The following PSMB7 variants were observed in gnomAD, a reference collection of about 807,000 sequenced individuals.
PSMB7 encodes proteasome 20S subunit beta 7, also known as proteasome subunit beta type-7.
PSMB7 carries 5 observed loss-of-function variants against 28.1 expected under a neutral mutation model. The ratio of observed to expected loss-of-function variants is 0.18; its 90% CI spans 0.09 to 0.37. PSMB7 has a LOEUF of 0.37. Among genes scored for constraint, PSMB7 ranks in the 10% least tolerant of loss-of-function variants. PSMB7 has a pLI of 1.00. For missense variants in PSMB7, 275 were observed against 346.2 expected, an observed-to-expected ratio of 0.79 and a Z score of 1.63; for synonymous variants, 122 against 123.7, an observed-to-expected ratio of 0.99 and a Z score of 0.09.
intron 6 of PSMB7, among the ~76,000 whole-genome samples, chr9:124,358,521 A>G (rs369860189): frequency 6.6e-6 from 1 of 152,234 alleles, no homozygotes; most frequent in African/African-American, 2.4e-5. Context: ...TCAACAGTCT[A>G]TGGGGCCAGA....
intron 6 of PSMB7, among the ~76,000 whole-genome samples, chr9:124,374,097 G>A (rs903494845): frequency 5.3e-5 from 8 of 152,120 alleles, no homozygotes; most frequent in South Asian, 2.1e-4. Context: ...GCTACAACAC[G>A]GGTGAAATAT....
rs565924919 is a variant in PSMB7, at chr9:124,371,826, G to C, written c.570+12772C>G. Among the ~76,000 whole-genome samples, 3 of 152,270 alleles carry C rather than the reference G, an allele frequency of 2.0e-5. No homozygotes were observed. The South Asian group carries it at 6.2e-4, about 32-fold the overall frequency. ...CACTTACGAATTCAACACTATCTCT[G>C]AATCTAGCTCTCACCTCTCTCTCTG... On this transcript the variant is annotated intron_variant, in intron 6 of 7. Coordinates refer to ENST00000259457, the MANE Select transcript of PSMB7 (RefSeq NM_002799.4).
At chr9:124,366,041 ATGTG>A (rs895896151) in intron 6 of PSMB7, among the ~76,000 whole-genome samples, 2 of 152,228 alleles carry the variant, frequency 1.3e-5, no homozygotes, top group Non-Finnish European at 2.9e-5. Context: ...GTCTACACCA[ATGTG>A]TGTGTGTTTG....
intron 5 of PSMB7, 55 bp from the exon 6 acceptor site, chr9:124,384,711 C>T: frequency 6.4e-7 from 1 of 1,563,324 alleles, no homozygotes; most frequent in East Asian, 2.2e-5. Flanking sequence ...GCTTATCCAT[C>T]TCAAGTTTAC....
intron 4 of PSMB7, among the ~76,000 whole-genome samples, chr9:124,408,031 C>T (rs1012471889): frequency 6.6e-6 from 1 of 152,096 alleles, no homozygotes. Context: ...AACATGGTGG[C>T]GTGGGCCTTT....
intron 6 of PSMB7, among the ~76,000 whole-genome samples, chr9:124,377,822 G>A (rs544421193): frequency 6.6e-6 from 1 of 152,320 alleles, no homozygotes; most frequent in South Asian, 2.1e-4. Flanking sequence ...TAGGGTAGGA[G>A]CTCATCCCTC....
Position 124,353,601 on chromosome 9 carries a change from G to C in PSMB7, c.831C>G (p.Ser277=). ...GCCAGCCACCCACTGATGCCATTCA[G>C]GAAGTGTCCATTGTTTGGACTGTTT... is the stretch of plus-strand genomic sequence containing the variant. ...LEETVQTMDT[S] is the part of the protein sequence containing the mutation. Residue 277 remains serine (S), a synonymous_variant, in exon 8 of 8, where the codon TCC becomes TCG. Transcript: ENST00000259457. 1 of 1,609,390 alleles carries C rather than the reference G, an allele frequency of 6.2e-7. No individual in the cohort carries two copies. Among genetic ancestry groups the C allele is most frequent in the South Asian group, 1.1e-5 (1 of 90,970 alleles).
chr9:124,415,006 C>T (rs930676357), intron 1 of PSMB7, 71 bp from the exon 2 acceptor site: 1 of 1,043,488 alleles, frequency 9.6e-7, no homozygotes, highest in Non-Finnish European at 1.4e-6. Context: ...TGAAAAGTGC[C>T]TAACAGAGAA....
intron 6 of PSMB7, among the ~76,000 whole-genome samples, chr9:124,364,637 TTCTC>T (rs574482554): frequency 2.0e-5 from 3 of 152,058 alleles, no homozygotes; most frequent in South Asian, 2.1e-4. Flanking sequence ...CTCATCACAT[TTCTC>T]TCTCTCTGCA....
intron 3 of PSMB7, 130 bp downstream of exon 3, chr9:124,413,778 G>A: frequency 1.6e-6 from 1 of 616,568 alleles, no homozygotes; most frequent in South Asian, 2.1e-5. Flanking sequence ...ACAGGTGGCT[G>A]GAAATGCCAT....
At chr9:124,395,089 G>C (rs1402374745) in intron 5 of PSMB7, among the ~76,000 whole-genome samples, 3 of 152,128 alleles carry the variant, frequency 2.0e-5, no homozygotes, top group African/African-American at 7.2e-5. Context: ...ACATACAAAA[G>C]ACTTTTATGT....
intron 6 of PSMB7, among the ~76,000 whole-genome samples, chr9:124,376,029 C>CA (rs1830606605): frequency 6.6e-6 from 1 of 152,188 alleles, no homozygotes; most frequent in Admixed American, 6.5e-5. Context: ...CTCCTGAGCT[C>CA]AGAGTCGCAC....
chr9:124,372,565 C>T lies in PSMB7; in HGVS notation c.570+12033G>A, dbSNP rs114102758. Among the ~76,000 whole-genome samples the T allele has an allele frequency of 7.2e-3, 1,102 of 152,312 alleles. 14 individuals carry two copies. Among genetic ancestry groups the T allele is most frequent in the African/African-American group, 0.025 (1,048 of 41,560 alleles). ...AGATTTTTGGTAAACTATGCCTTTC[C>T]TTCTCTGTTTCCTTCCATCTAACCC... is the stretch of plus-strand genomic sequence containing the variant. On this transcript the variant is annotated intron_variant, in intron 6 of 7. Coordinates refer to ENST00000259457, the MANE Select transcript of PSMB7 (RefSeq NM_002799.4).
At chr9:124,379,803 C>T (rs1361822331) in intron 6 of PSMB7, among the ~76,000 whole-genome samples, 3 of 152,188 alleles carry the variant, frequency 2.0e-5, no homozygotes, top group African/African-American at 7.2e-5. Context: ...GGTTATCGTC[C>T]TCTGTTACCT....
At chr9:124,406,944 A>G (rs1164876243) in intron 4 of PSMB7, among the ~76,000 whole-genome samples, 1 of 152,012 alleles carries the variant, frequency 6.6e-6, no homozygotes, top group Non-Finnish European at 1.5e-5. Flanking sequence ...CCGAGGTCGC[A>G]TCACTGCACT....
At chr9:124,364,889 A>G (rs896907534) in intron 6 of PSMB7, among the ~76,000 whole-genome samples, 3 of 152,146 alleles carry the variant, frequency 2.0e-5, no homozygotes, top group African/African-American at 4.8e-5. Context: ...CCCACCTCCA[A>G]CATCTGGATA....
chr9:124,361,867 T>C (rs1271078475), intron 6 of PSMB7, among the ~76,000 whole-genome samples: 1 of 152,266 alleles, frequency 6.6e-6, no homozygotes, highest in Non-Finnish European at 1.5e-5. Context: ...AGAAACTTTT[T>C]CCGCATTATT....
intron 7 of PSMB7, 51 bp from the exon 8 acceptor site, chr9:124,353,760 A>G: frequency 7.6e-7 from 1 of 1,314,162 alleles, no homozygotes. Flanking sequence ...TCAAGGTGCC[A>G]GAGGGCAGAA....
intron 5 of PSMB7, among the ~76,000 whole-genome samples, chr9:124,388,948 T>C (rs2131165578): frequency 6.6e-6 from 1 of 152,168 alleles, no homozygotes; most frequent in East Asian, 1.9e-4. Flanking sequence ...TCCCCAACAG[T>C]CTCTGACACA....
Sources: allele counts gnomAD v4.1 joint callset (sites outside exome capture counted in the v4.1 genomes callset), GRCh38; gene constraint gnomAD v4.1.1; transcripts MANE v1.5; gene names NCBI Gene and HGNC (gene_info 2026-07-23, HGNC 2026-07-21).